Variants in ANKFN1 observed in about 807,000 individuals in gnomAD.
ANKFN1 encodes ankyrin repeat and fibronectin type-III domain-containing protein 1.
Under a neutral mutation model 108.7 loss-of-function variants are expected in ANKFN1, and 74 were observed. That is an observed-to-expected ratio of 0.68 (90% CI 0.56 to 0.83). The LOEUF (loss-of-function observed/expected upper bound fraction) is 0.83. ANKFN1 is among the 40% of genes least tolerant of loss of function. The pLI is 0.00. For synonymous variants in ANKFN1, 547 were observed against 516.2 expected, an observed-to-expected ratio of 1.06 and a Z score of -0.81; for missense variants, 1,505 against 1,382.3, an observed-to-expected ratio of 1.09 and a Z score of -1.41.
rs184912683 is a variant in ANKFN1 at position 56,089,802 on chromosome 17, C to T, written c.288+43477C>T. 9.9e-5 allele frequency among the ~76,000 whole-genome samples: 15 copies of T among 151,394 alleles called. 1 individual carries two copies. The highest frequency in any genetic ancestry group is 4.2e-4 in the South Asian group (2 of 4,808). ...GCCTGGTATTCGAACTGCAGCTTTG[C>T]TATTTACCAGCCGGGTCATCTCCAG... is the stretch of plus-strand genomic sequence containing the variant. On this transcript the variant is annotated intron_variant, in intron 4 of 12. Coordinates refer to the ANKFN1 transcript ENST00000635860.
At chr17:56,093,589 G>A (rs1011568060) in intron 4 of ANKFN1, among the ~76,000 whole-genome samples, 2 of 151,284 alleles carry the variant, frequency 1.3e-5, no homozygotes, top group Non-Finnish European at 1.5e-5. Context: ...CACTGCATGC[G>A]TTATGAGCCA....
chr17:56,384,852 T>C lies in ANKFN1; in HGVS notation c.910+10138T>C, dbSNP rs1229671033. Among the ~76,000 whole-genome samples, 8 of 151,960 alleles carry C rather than the reference T, an allele frequency of 5.3e-5. No individual in the cohort carries two copies. In the East Asian group the frequency reaches 1.4e-3, roughly 26 times the overall value. On this transcript the variant is annotated intron_variant, in intron 8 of 20. Transcript: ENST00000682825. ...AAGAAATGGAAGAACATTCCATGCT[T>C]ATGGGTAGGAAGAATCAATATTGTG...
At position 56,510,602 on chromosome 17, in the gene ANKFN1, C is replaced by A. The variant is rs1344956092; in HGVS notation, c.2774C>A (p.Ala925Glu). Reference protein sequence around the residue: ...DLVYLSSHDIAQQTLSGLSGS... With the variant: ...DLVYLSSHDIEQQTLSGLSGS... ...GTCTACCTATCATCTCACGACATTG[C>A]GCAGCAGACCCTTAGCGGCCTAAGC... Residue 925 changes from alanine to glutamate, a missense_variant, in exon 21 of 21, where the codon GCG becomes GAG. Coordinates refer to ENST00000682825, the MANE Select transcript of ANKFN1 (RefSeq NM_001370326.1). 1.3e-6 allele frequency: 2 copies of A among 1,536,164 alleles called. No individual in the cohort carries two copies. The highest frequency in any genetic ancestry group is 2.4e-5 in the South Asian group (2 of 84,068).
chr17:56,156,401 C>T (rs1172753707), intron 1 of ANKFN1: 1 of 152,120 alleles, frequency 6.6e-6, no homozygotes, highest in Admixed American at 6.5e-5. Context: ...TTCCTCACCT[C>T]TTAAAGAGGG....
In ANKFN1 at chr17:56,212,673, T is replaced by A. The variant is rs1915103450; in HGVS notation, c.6T>A (p.Asn2Lys). 6.6e-6 allele frequency among the ~76,000 whole-genome samples: 1 copy of A among 152,136 alleles called. No individual in the cohort carries two copies. Among genetic ancestry groups the A allele is most frequent in the Non-Finnish European group, 1.5e-5 (1 of 68,032 alleles). MNEKRLLFKDRH... is the reference protein window; with the variant it reads MKEKRLLFKDRH... ...GGAGCCTGTGGGCAGGCTACATGAA[T>A]GAGAAGGTTAGTTTTTCCGCAGTCC... is the stretch of plus-strand genomic sequence containing the variant. Residue 2 changes from asparagine to lysine, a missense_variant, in exon 2 of 21, where the codon AAT (asparagine) becomes AAA (lysine). Coordinates refer to ENST00000682825, the MANE Select transcript of ANKFN1 (RefSeq NM_001370326.1).
chr17:56,484,195 G>A (rs181301688), intron 18 of ANKFN1, among the ~76,000 whole-genome samples: 1 of 152,296 alleles, frequency 6.6e-6, no homozygotes, highest in African/African-American at 2.4e-5. Flanking sequence ...TCAGAGAAAT[G>A]TGAGGAAAAG....
chr17:56,452,336 G>A (rs1452641625), intron 11 of ANKFN1, among the ~76,000 whole-genome samples: 2 of 152,116 alleles, frequency 1.3e-5, no homozygotes, highest in Admixed American at 6.6e-5. Flanking sequence ...ACCAAGTAGG[G>A]AAGTACAGTA....
intron 3 of ANKFN1, among the ~76,000 whole-genome samples, chr17:56,303,705 G>T (rs2044735997): frequency 1.3e-5 from 2 of 151,914 alleles, no homozygotes. Flanking sequence ...TTTTTTTTGA[G>T]ATGGAGTCTC....
intron 2 of ANKFN1, among the ~76,000 whole-genome samples, chr17:56,221,091 A>T (rs796176710): frequency 7.2e-5 from 11 of 152,280 alleles, no homozygotes; most frequent in African/African-American, 2.2e-4. Flanking sequence ...TGAAGGGGGA[A>T]GCAGGCAGGT....
intron 8 of ANKFN1, among the ~76,000 whole-genome samples, chr17:56,401,309 G>C (rs1455343790): frequency 6.7e-6 from 1 of 150,354 alleles, no homozygotes. Context: ...TGACTCCTTT[G>C]TTAGGTACAT....
At chr17:56,231,582 A>G (rs1239822555) in intron 3 of ANKFN1, among the ~76,000 whole-genome samples, 1 of 152,156 alleles carries the variant, frequency 6.6e-6, no homozygotes, top group Non-Finnish European at 1.5e-5. Flanking sequence ...TTTTATATCA[A>G]AACAGTCCTC....
At chr17:56,113,651 G>T (rs1272562859) in intron 4 of ANKFN1, among the ~76,000 whole-genome samples, 1 of 152,162 alleles carries the variant, frequency 6.6e-6, no homozygotes, top group Non-Finnish European at 1.5e-5. Flanking sequence ...ATGAGGCAGT[G>T]CATGTGTAAT....
intron 8 of ANKFN1, among the ~76,000 whole-genome samples, chr17:56,376,193 T>A (rs9897991): frequency 1.3e-5 from 2 of 151,900 alleles, no homozygotes; most frequent in Non-Finnish European, 2.9e-5. Flanking sequence ...CCTGTCCCTC[T>A]GGGGAACTTC....
Position 56,085,681 on chromosome 17 carries a change from C to T in ANKFN1, c.288+39356C>T, listed in dbSNP as rs559818560. Among the ~76,000 whole-genome samples, 76 of 151,510 alleles carry T rather than the reference C, an allele frequency of 5.0e-4. 4 individuals are homozygous for T. Among genetic ancestry groups the T allele is most frequent in the African/African-American group, 7.5e-4 (31 of 41,352 alleles). On this transcript the variant is annotated intron_variant, in intron 4 of 12. Transcript: ENST00000635860. The stretch of plus-strand genomic sequence containing the variant: ...TTTGTGGGATGACCATCTGTGGATG[C>T]GCAAGGGACTTTCATGAAGCAGCAA...
intron 4 of ANKFN1, among the ~76,000 whole-genome samples, chr17:56,070,368 G>A (rs1017696927): frequency 2.0e-5 from 3 of 152,086 alleles, no homozygotes; most frequent in Non-Finnish European, 2.9e-5. Context: ...AGACTCTGTC[G>A]CCTTCTTTAT....
intron 4 of ANKFN1, among the ~76,000 whole-genome samples, chr17:56,071,543 T>G (rs866953936): frequency 8.5e-5 from 13 of 152,234 alleles, no homozygotes; most frequent in Admixed American, 1.3e-4. Context: ...CTGGGTTGAC[T>G]TTTCTTTAAG....
chr17:56,197,976 C>T (rs1344094550), intron 1 of ANKFN1, among the ~76,000 whole-genome samples: 2 of 152,186 alleles, frequency 1.3e-5, no homozygotes, highest in East Asian at 3.9e-4. Context: ...TGCCACTGCA[C>T]TCCAGCCTGG....
intron 3 of ANKFN1, among the ~76,000 whole-genome samples, chr17:56,319,535 C>T (rs2045304588): frequency 6.6e-6 from 1 of 152,152 alleles, no homozygotes; most frequent in Non-Finnish European, 1.5e-5. Context: ...GATAACAGTC[C>T]TCTACCACAA....
chr17:56,348,807 T>G (rs1194711070), intron 4 of ANKFN1, among the ~76,000 whole-genome samples: 1 of 151,806 alleles, frequency 6.6e-6, no homozygotes, highest in African/African-American at 2.4e-5. Context: ...GTAAATTAGT[T>G]CAATGATTGT....
Sources: gnomAD v4.1 joint callset for allele counts (sites outside exome capture counted in the v4.1 genomes callset) on GRCh38, gnomAD v4.1.1 for gene constraint, MANE v1.5 for transcripts, NCBI Gene and HGNC (gene_info 2026-07-23, HGNC 2026-07-21) for gene names.